The following EML6 variants were observed in gnomAD, a reference collection of about 807,000 sequenced individuals.
EML6 encodes echinoderm microtubule-associated protein-like 6.
In EML6, 154 loss-of-function variants were observed where a neutral mutation model predicts 240.1. The ratio of observed to expected loss-of-function variants is 0.64; its 90% CI spans 0.56 to 0.73. The LOEUF (loss-of-function observed/expected upper bound fraction) is 0.73, where lower values mean the gene tolerates loss of function less well. EML6 is among the 30% of genes least tolerant of loss of function. EML6 has a pLI of 0.00. For synonymous variants in EML6, 1,148 were observed against 899.0 expected (o/e 1.28, Z -4.95); for missense variants, 2,964 against 2,474.6 (o/e 1.20, Z -4.20).
At chr2:54,929,233 TGCC>T in intron 28 of EML6, among the ~76,000 whole-genome samples, 1 of 152,368 alleles carries the variant, frequency 6.6e-6, no homozygotes, top group South Asian at 2.1e-4. Context: ...TGTCTTCATT[TGCC>T]CAGATTTGTC....
At chr2:54,875,979 A>G (rs1393517028) in intron 16 of EML6, among the ~76,000 whole-genome samples, 1 of 152,218 alleles carries the variant, frequency 6.6e-6, no homozygotes, top group Non-Finnish European at 1.5e-5. Flanking sequence ...CGCATTTTTT[A>G]TGAGTCCTGA....
chr2:54,730,631 T>G (rs549769454), intron 2 of EML6, among the ~76,000 whole-genome samples: 3 of 152,332 alleles, frequency 2.0e-5, no homozygotes, highest in Non-Finnish European at 4.4e-5. Flanking sequence ...TACTGCTCAT[T>G]GGATCCCACT....
chr2:54,853,128 C>A (rs1185302225), intron 10 of EML6, among the ~76,000 whole-genome samples: 1 of 152,066 alleles, frequency 6.6e-6, no homozygotes, highest in Non-Finnish European at 1.5e-5. Context: ...TTCTGAGCAT[C>A]CTTAAATTAT....
At chr2:54,832,885 C>T (rs904636153) in intron 7 of EML6, among the ~76,000 whole-genome samples, 1 of 152,308 alleles carries the variant, frequency 6.6e-6, no homozygotes, top group South Asian at 2.1e-4. Flanking sequence ...TCAGTTTGGA[C>T]ATGAAGCTTC....
At chr2:54,727,796 A>G (rs1211880512) in intron 2 of EML6, among the ~76,000 whole-genome samples, 2 of 152,154 alleles carry the variant, frequency 1.3e-5, no homozygotes, top group African/African-American at 2.4e-5. Flanking sequence ...ATACATCTAT[A>G]CTGCTTTATT....
intron 32 of EML6, among the ~76,000 whole-genome samples, chr2:54,955,688 C>T (rs1573213131): frequency 6.6e-6 from 1 of 152,342 alleles, no homozygotes; most frequent in Non-Finnish European, 1.5e-5. Flanking sequence ...CAGACTCTTG[C>T]TCACCCAGGG....
intron 15 of EML6, among the ~76,000 whole-genome samples, chr2:54,871,064 G>A (rs1023436135): frequency 6.6e-6 from 1 of 152,136 alleles, no homozygotes. Context: ...GGGGAGAAGC[G>A]GGGCCAGGCC....
In EML6 at chr2:54,957,973, C is replaced by G. The variant is rs1310219398; in HGVS notation, c.4670C>G (p.Thr1557Arg). The G allele has an allele frequency of 6.4e-7, 1 of 1,551,170 alleles. No homozygotes were observed. The highest frequency in any genetic ancestry group is 8.7e-7 in the Non-Finnish European group (1 of 1,146,724). The change falls in exon 33 of 42, where the codon ACG (threonine) becomes AGG (arginine). Residue 1557 changes from threonine (T) to arginine (R), a missense_variant. Coordinates refer to ENST00000356458, the MANE Select transcript of EML6 (RefSeq NM_001039753.4). ...TCCCTGGGAGCTGCCAAAATGCAGACGATGCTCTCCGTGGCCTTCGGTGCT... is the reference window on the plus strand; with the variant it reads ...TCCCTGGGAGCTGCCAAAATGCAGAGGATGCTCTCCGTGGCCTTCGGTGCT... The part of the protein sequence containing the change: ...IGSLGAAKMQ[T>R]MLSVAFGANN...
At chr2:54,860,016 A>G (rs965487727) in intron 12 of EML6, among the ~76,000 whole-genome samples, 3 of 152,198 alleles carry the variant, frequency 2.0e-5, no homozygotes, top group African/African-American at 7.2e-5. Context: ...TCGCAGGTCC[A>G]TTCTCTCTGA....
At chr2:54,821,555 C>T (rs571230319) in intron 5 of EML6, among the ~76,000 whole-genome samples, 12 of 151,858 alleles carry the variant, frequency 7.9e-5, no homozygotes, top group African/African-American at 2.4e-4. Context: ...TAAATTAATC[C>T]GGAAGCATTA....
chr2:54,728,572 A>G (rs1683013893), intron 2 of EML6, among the ~76,000 whole-genome samples: 1 of 152,254 alleles, frequency 6.6e-6, no homozygotes, highest in Non-Finnish European at 1.5e-5. Context: ...GGTGAGTGGC[A>G]TCACTTTTCA....
chr2:54,950,742 C>T lies in EML6; in HGVS notation c.4176C>T (p.His1392=), dbSNP rs1402209159. 1 of 1,551,710 alleles carries T rather than the reference C, an allele frequency of 6.4e-7. No individual in the cohort carries two copies. Among genetic ancestry groups the T allele is most frequent in the Admixed American group, 2.0e-5 (1 of 51,012 alleles). The change falls in exon 30 of 42, where the codon CAC becomes CAT. Residue 1392 remains histidine, a synonymous_variant. Coordinates refer to ENST00000356458, the MANE Select transcript of EML6 (RefSeq NM_001039753.4). ...YLNDGADIIF[H]TAAAGIVQNL... ...ATGATGGCGCTGACATCATCTTCCA[C>T]ACAGCAGCGGCTGGCATCGTTCAGA...
intron 16 of EML6, among the ~76,000 whole-genome samples, chr2:54,878,800 A>G (rs1301572100): frequency 1.3e-5 from 2 of 152,216 alleles, no homozygotes; most frequent in Non-Finnish European, 2.9e-5. Flanking sequence ...TGTTCATGAT[A>G]TAATAGATGA....
intron 40 of EML6, 101 bp downstream of exon 40, chr2:54,968,382 C>T (rs1386895663): frequency 2.6e-6 from 3 of 1,147,456 alleles, no homozygotes; most frequent in Non-Finnish European, 3.8e-6. Flanking sequence ...CACAGAGAAA[C>T]CCTGTCCCGG....
rs538248530 is a variant in EML6, at chr2:54,941,682, G to T, written c.4005-7200G>T. Among the ~76,000 whole-genome samples the T allele has an allele frequency of 2.3e-4, 35 of 152,354 alleles. 1 individual carries two copies. In the South Asian group the frequency reaches 6.2e-3, roughly 27 times the overall value. On this transcript the variant is annotated intron_variant, in intron 28 of 41. Coordinates refer to ENST00000356458, the MANE Select transcript of EML6 (RefSeq NM_001039753.4). The stretch of plus-strand genomic sequence containing the variant: ...GCTGGAGTGAGCTTACAGAGCCTGA[G>T]AGTTGGTACAGAGATCTGCAGTTGC...
At position 54,773,950 on chromosome 2, in the gene EML6, CT is replaced by C. The variant is rs538554645; in HGVS notation, c.198-39276del. Among the ~76,000 whole-genome samples, 165 of 152,288 alleles carry C rather than the reference CT, an allele frequency of 1.1e-3. 1 individual carries two copies. Among genetic ancestry groups the C allele is most frequent in the African/African-American group, 3.7e-3 (155 of 41,566 alleles). On this transcript the variant is annotated intron_variant, in intron 2 of 41. Coordinates refer to ENST00000356458, the MANE Select transcript of EML6 (RefSeq NM_001039753.4). ...GATTTGATGACTGGCACAGGGCCTC[CT>C]TTTTTCTTGTTCCTTTGCTGTCCTC...
rs1682831444 is a variant in EML6, at chr2:54,724,857, G to A, written c.-205G>A. 8.8e-6 allele frequency: 2 copies of A among 228,236 alleles called. No individual in the cohort carries two copies. The highest frequency in any genetic ancestry group is 4.7e-5 in the African/African-American group (2 of 42,808). The allele number at this position is 228,236 out of a possible 1,614,324, so 14.1% of individuals were successfully genotyped here. On this transcript the variant is annotated 5_prime_UTR_variant, in exon 2 of 42. Coordinates refer to ENST00000356458, the MANE Select transcript of EML6 (RefSeq NM_001039753.4). The surrounding 1 kb of genome is among the most constrained non-coding windows in gnomAD (Gnocchi z 5.2). ...GCCCGGCGCCCGGCGGGGTCTGGCG[G>A]CCGCACACCGGCGGCGGCGGCTTGT...
At chr2:54,908,867 C>T (rs1449390790) in intron 24 of EML6, among the ~76,000 whole-genome samples, 2 of 152,136 alleles carry the variant, frequency 1.3e-5, no homozygotes, top group South Asian at 2.1e-4. Context: ...CAACATCTGC[C>T]CGCAGAGTAT....
intron 7 of EML6, among the ~76,000 whole-genome samples, chr2:54,837,843 G>GCT (rs755406402): frequency 2.6e-5 from 4 of 152,308 alleles, no homozygotes; most frequent in Non-Finnish European, 5.9e-5. Context: ...TCTTTTAAAT[G>GCT]CTCTCTCTGT....
Sources: gnomAD v4.1 joint callset for allele counts (sites outside exome capture counted in the v4.1 genomes callset) on GRCh38, gnomAD v4.1.1 for gene constraint, Gnocchi (gnomAD v3.1) non-coding constraint, MANE v1.5 for transcripts, NCBI Gene and HGNC (gene_info 2026-07-23, HGNC 2026-07-21) for gene names.